TPR: variants seen among roughly 807,000 people sequenced by gnomAD.
TPR encodes nucleoprotein TPR.
Under a neutral mutation model 316.1 loss-of-function variants are expected in TPR, and 51 were observed. The ratio of observed to expected loss-of-function variants is 0.16; its 90% CI spans 0.13 to 0.20. The LOEUF (loss-of-function observed/expected upper bound fraction) is 0.20, where lower values mean the gene tolerates loss of function less well. Among genes scored for constraint, TPR ranks in the 10% least tolerant of loss-of-function variants. The pLI, the probability that TPR is intolerant of heterozygous loss-of-function variation, is 1.00. For missense variants in TPR, 2,272 were observed against 2,754.8 expected, an observed-to-expected ratio of 0.82 and a Z score of 3.92; for synonymous variants, 981 against 914.7, an observed-to-expected ratio of 1.07 and a Z score of -1.31.
chr1:186,346,054 T>C, intron 23 of TPR, 81 bp downstream of exon 23: 1 of 1,458,030 alleles, frequency 6.9e-7, no homozygotes, highest in Admixed American at 2.3e-5. Flanking sequence ...TGAGATGAAC[T>C]AAATGGCAAC....
intron 24 of TPR, among the ~76,000 whole-genome samples, 172 bp from the exon 25 acceptor site, chr1:186,344,750 A>G (rs977245143): frequency 5.3e-5 from 8 of 152,234 alleles, no homozygotes; most frequent in Non-Finnish European, 7.3e-5. Context: ...TAATATTATA[A>G]AACTGTCAGA....
intron 4 of TPR, 45 bp from the exon 5 acceptor site, chr1:186,363,490 CAG>C (rs1558035231): frequency 2.4e-6 from 3 of 1,264,366 alleles, no homozygotes; most frequent in East Asian, 2.3e-5. Flanking sequence ...AATTAACACT[CAG>C]GGGAACCAAA....
At chr1:186,334,649 T>A (rs539975905) in intron 35 of TPR, 116 bp from the exon 36 acceptor site, 47 of 1,081,316 alleles carry the variant, frequency 4.3e-5, no homozygotes, top group Admixed American at 2.7e-4. Context: ...CAGAGCCTTA[T>A]TAAAGCTGTT....
intron 11 of TPR, 31 bp downstream of exon 11, chr1:186,360,242 A>C: frequency 6.3e-7 from 1 of 1,593,156 alleles, no homozygotes; most frequent in African/African-American, 1.4e-5. Context: ...CTGAAGAAAA[A>C]GAATTTAACA....
At chr1:186,355,924 C>T (rs1032319381) in intron 15 of TPR, among the ~76,000 whole-genome samples, 156 bp from the exon 16 acceptor site, 1 of 152,064 alleles carries the variant, frequency 6.6e-6, no homozygotes, top group Non-Finnish European at 1.5e-5. Flanking sequence ...AAGGAATCTA[C>T]TAAACAATGT....
At chr1:186,341,667 T>C (rs867611803) in intron 27 of TPR, 11 of 297,760 alleles carry the variant, frequency 3.7e-5, no homozygotes, top group South Asian at 1.8e-4. Flanking sequence ...CAAATCTCTA[T>C]TTACCTTTCT....
intron 11 of TPR, 89 bp from the exon 12 acceptor site, chr1:186,360,085 C>A: frequency 7.0e-7 from 1 of 1,436,404 alleles, no homozygotes; most frequent in Non-Finnish European, 9.6e-7. Context: ...TTCTTTAACA[C>A]TAACACAAAA....
chr1:186,352,159 A>G, intron 18 of TPR, 49 bp from the exon 19 acceptor site: 2 of 1,529,286 alleles, frequency 1.3e-6, no homozygotes, highest in Non-Finnish European at 1.8e-6. Flanking sequence ...ACATGGTGTC[A>G]AGTGTATTAA....
intron 40 of TPR, 134 bp downstream of exon 40, chr1:186,327,326 T>A (rs1449867898): frequency 9.6e-6 from 1 of 104,136 alleles, no homozygotes; most frequent in South Asian, 2.5e-4. Flanking sequence ...ATATATAATA[T>A]ATAATATAAA....
intron 49 of TPR, among the ~76,000 whole-genome samples, chr1:186,315,092 C>A (rs1381784297): frequency 6.6e-6 from 1 of 151,508 alleles, no homozygotes; most frequent in South Asian, 2.1e-4. Flanking sequence ...CACTTGAGCC[C>A]GGGTGAGGTT....
rs754507519 is a variant in TPR, at chr1:186,326,234, T to A, written c.5891A>T (p.Asp1964Val). 45 of 1,607,130 alleles carry A rather than the reference T, an allele frequency of 2.8e-5. No individual in the cohort carries two copies. Among genetic ancestry groups the A allele is most frequent in the Non-Finnish European group, 3.7e-5 (44 of 1,176,546 alleles). The change falls in exon 41 of 51, where the codon GAT (aspartate) becomes GTT (valine). Residue 1964 changes from aspartate (D) to valine (V), a missense_variant and splice_region_variant. Asp to Val is a radical substitution (Grantham distance 152). Transcript: ENST00000367478. ...DDDENDGEHE[D>V]YEEDEEDDDD... ...ATCATCTTCCTCATCCTCTTCATAATCCTAGTAGAAAGTTCCCCAGGCATA... is the reference window on the plus strand; with the variant it reads ...ATCATCTTCCTCATCCTCTTCATAAACCTAGTAGAAAGTTCCCCAGGCATA...
At position 186,347,458 on chromosome 1, in the gene TPR, C is replaced by T; in HGVS notation, c.2777G>A (p.Gly926Asp). ...CACATCTTCTTTGTTGCTAGGCTGA[C>T]CTAAAAGACATAACAGCTCTGTTAA... Reference protein sequence around the residue: ...ASQSSQRTGKGQPSNKEDVDD... With the variant: ...ASQSSQRTGKDQPSNKEDVDD... Residue 926 changes from glycine (G) to aspartate (D), a missense_variant and splice_region_variant, in exon 22 of 51, where the codon GGT becomes GAT. By Grantham distance (94) the Gly-to-Asp change is moderately conservative (BLOSUM62 -1). Around this residue, in one of 10 missense-constraint regions of TPR, gnomAD observed 757 missense variants for 859.8 expected, o/e 0.88. Transcript: ENST00000367478. 6.2e-7 allele frequency: 1 copy of T among 1,613,100 alleles called. No individual in the cohort carries two copies. Among genetic ancestry groups the T allele is most frequent in the Non-Finnish European group, 8.5e-7 (1 of 1,179,652 alleles).
chr1:186,363,243 G>A, intron 5 of TPR, 99 bp downstream of exon 5: 5 of 1,095,502 alleles, frequency 4.6e-6, no homozygotes, highest in Non-Finnish European at 6.6e-6. Flanking sequence ...AAAACAAAAT[G>A]CAGCTTTTAA....
chr1:186,328,219 A>T (rs1658057272), intron 39 of TPR, among the ~76,000 whole-genome samples: 1 of 152,234 alleles, frequency 6.6e-6, no homozygotes, highest in Non-Finnish European at 1.5e-5. Flanking sequence ...AAGAGAAAAA[A>T]ATATAAACAA....
In TPR at chr1:186,339,496, C is replaced by CT. The variant is rs756950853; in HGVS notation, c.4151+145dup. 2.8e-5 allele frequency: 14 copies of CT among 507,932 alleles called. No homozygotes were observed. In the East Asian group the frequency reaches 4.6e-4, roughly 17 times the overall value. The allele number at this position is 507,932 out of a possible 1,614,324, so 31.5% of individuals were successfully genotyped here. A position where few individuals can be genotyped will look rare whatever the true frequency, so the allele number is the denominator to read the frequency against. On this transcript the variant is annotated intron_variant, in intron 30 of 50. Coordinates refer to ENST00000367478, the MANE Select transcript of TPR (RefSeq NM_003292.3). ...CATAATATTAAATCACTGCTTGACT[C>CT]TACAAAGTAGATGGAAGTCAGATAT... is the stretch of plus-strand genomic sequence containing the variant.
intron 29 of TPR, 79 bp downstream of exon 29, chr1:186,340,949 A>G (rs1658491725): frequency 4.6e-6 from 7 of 1,527,886 alleles, no homozygotes; most frequent in Non-Finnish European, 6.2e-6. Context: ...AGTTCCTCAA[A>G]TATTTTTATT....
At chr1:186,317,991 C>T (rs1657659405) in intron 48 of TPR, among the ~76,000 whole-genome samples, 1 of 152,130 alleles carries the variant, frequency 6.6e-6, no homozygotes, top group Non-Finnish European at 1.5e-5. Flanking sequence ...AAATAGTATA[C>T]CAGTAACCAA....
At chr1:186,349,262 T>A (rs974393496) in intron 21 of TPR, among the ~76,000 whole-genome samples, 1 of 152,234 alleles carries the variant, frequency 6.6e-6, no homozygotes, top group African/African-American at 2.4e-5. Flanking sequence ...CTGAAGTAGT[T>A]TCTACTGAAT....
Position 186,367,986 on chromosome 1 carries a change from T to C in TPR, c.331-4A>G. 6.2e-7 allele frequency: 1 copy of C among 1,603,782 alleles called. No individual in the cohort carries two copies. Among genetic ancestry groups the C allele is most frequent in the Non-Finnish European group, 8.5e-7 (1 of 1,175,178 alleles). On this transcript the variant is annotated splice_polypyrimidine_tract_variant and splice_region_variant and intron_variant, in intron 3 of 50. Transcript: ENST00000367478. ...CCTTTGTTCTTGTAAATTGGCTCTG[T>C]CATATAAAGAAGTAATAAGTAAGAA...
Sources: allele counts gnomAD v4.1 joint callset (sites outside exome capture counted in the v4.1 genomes callset), GRCh38; gene constraint gnomAD v4.1.1; regional missense constraint gnomAD v4.1.1; transcripts MANE v1.5; gene names NCBI Gene and HGNC (gene_info 2026-07-23, HGNC 2026-07-21).